The following TAFA2 variants were observed in gnomAD, a reference collection of about 807,000 sequenced individuals.
The protein encoded by TAFA2 is chemokine-like protein TAFA-2.
TAFA2 carries 7 observed loss-of-function variants against 18.8 expected under a neutral mutation model. That is an observed-to-expected ratio of 0.37 (90% CI 0.21 to 0.70). The LOEUF (loss-of-function observed/expected upper bound fraction) is 0.70. TAFA2 is among the 30% of genes least tolerant of loss of function. The probability of loss-of-function intolerance (pLI) is 0.53; values close to 1 mark genes in which losing one functional copy is unlikely to be tolerated. For missense variants in TAFA2, 122 were observed against 158.1 expected (o/e 0.77, Z 1.23); for synonymous variants, 60 against 54.2 (o/e 1.11, Z -0.47).
chr12:62,043,886 A>T (rs994056627), intron 1 of TAFA2, among the ~76,000 whole-genome samples: 37 of 152,208 alleles, frequency 2.4e-4, no homozygotes, highest in African/African-American at 8.9e-4. Flanking sequence ...GGCTGTATTA[A>T]CAATTATGAT....
At chr12:62,166,596 C>T (rs2062441878) in intron 1 of TAFA2, among the ~76,000 whole-genome samples, 1 of 152,112 alleles carries the variant, frequency 6.6e-6, no homozygotes, top group Non-Finnish European at 1.5e-5. Flanking sequence ...TCCACCTCCC[C>T]TGAAACTTGA....
chr12:62,042,813 G>A (rs1044421097), intron 1 of TAFA2, among the ~76,000 whole-genome samples: 1 of 151,948 alleles, frequency 6.6e-6, no homozygotes, highest in Admixed American at 6.6e-5. Context: ...TCCTGGCAAG[G>A]TTAATTGTGC....
chr12:61,833,296 G>C (rs1190549562), intron 2 of TAFA2, among the ~76,000 whole-genome samples: 1 of 151,420 alleles, frequency 6.6e-6, no homozygotes, highest in Non-Finnish European at 1.5e-5. Flanking sequence ...TTATATTCCT[G>C]ATTCTCGAGT....
chr12:61,742,596 T>C (rs1383543741), intron 4 of TAFA2, among the ~76,000 whole-genome samples: 2 of 152,144 alleles, frequency 1.3e-5, no homozygotes, highest in African/African-American at 4.8e-5. Context: ...TCTTTTTCTA[T>C]GCATTTCTTT....
At chr12:61,768,615 G>A (rs541462694) in intron 2 of TAFA2, among the ~76,000 whole-genome samples, 1 of 152,116 alleles carries the variant, frequency 6.6e-6, no homozygotes, top group Non-Finnish European at 1.5e-5. Flanking sequence ...GAGCTGAGAT[G>A]AATTTAGAGA....
chr12:62,059,013 G>C (rs976835104), intron 1 of TAFA2, among the ~76,000 whole-genome samples: 4 of 152,114 alleles, frequency 2.6e-5, no homozygotes, highest in Non-Finnish European at 5.9e-5. Context: ...TGAGGCAGGA[G>C]AATGGCGGGA....
At chr12:62,147,318 GTATGTATGTATATATA>G (rs1214415506) in intron 1 of TAFA2, among the ~76,000 whole-genome samples, 884 of 87,574 alleles carry the variant, frequency 0.01, 23 homozygotes, top group African/African-American at 0.029. Flanking sequence ...GTGTGTGTGT[GTATGTATGTATATATA>G]TATATATATA....
At position 61,931,493 on chromosome 12, in the gene TAFA2, C is replaced by T. The variant is rs187447306; in HGVS notation, c.-1-64067G>A. Among the ~76,000 whole-genome samples, 10 of 152,284 alleles carry T rather than the reference C, an allele frequency of 6.6e-5. No homozygotes were observed. In the East Asian group the frequency reaches 1.3e-3, roughly 21 times the overall value. ...GTCTTTCTGTAATAAGCATATTCTACGGAAACAGTGAATGAGAAAACCACA... is the reference window on the plus strand; with the variant it reads ...GTCTTTCTGTAATAAGCATATTCTATGGAAACAGTGAATGAGAAAACCACA... On this transcript the variant is annotated intron_variant, in intron 1 of 4. Coordinates refer to ENST00000416284, the MANE Select transcript of TAFA2 (RefSeq NM_178539.5).
chr12:61,988,913 G>A (rs897995438), intron 1 of TAFA2, among the ~76,000 whole-genome samples: 1 of 152,052 alleles, frequency 6.6e-6, no homozygotes, highest in Non-Finnish European at 1.5e-5. Flanking sequence ...TTTGTTTCAT[G>A]GAAACAATCC....
rs183164720 is a variant in TAFA2 at position 61,876,767 on chromosome 12, G to A, written c.-1-9341C>T. Among the ~76,000 whole-genome samples, 57 of 151,912 alleles carry A rather than the reference G, an allele frequency of 3.8e-4. No individual in the cohort carries two copies. The East Asian group carries it at 0.01, about 27-fold the overall frequency. On this transcript the variant is annotated intron_variant, in intron 1 of 4. Coordinates refer to ENST00000416284, the MANE Select transcript of TAFA2 (RefSeq NM_178539.5). ...ATGCTATTCTATGTTCTCAAAAGAA[G>A]CCAAAAGAAAAGAGTCCAAGAATAG...
At chr12:62,119,860 G>A (rs745500843) in intron 1 of TAFA2, among the ~76,000 whole-genome samples, 1 of 151,986 alleles carries the variant, frequency 6.6e-6, no homozygotes, top group Non-Finnish European at 1.5e-5. Context: ...GATCACCAGA[G>A]GTCAGGAGTT....
intron 1 of TAFA2, among the ~76,000 whole-genome samples, chr12:62,037,086 C>T (rs1416066153): frequency 9.2e-5 from 14 of 152,112 alleles, no homozygotes; most frequent in Admixed American, 9.2e-4. Flanking sequence ...TTGCTATGTA[C>T]CTGCTTATTT....
chr12:61,952,084 C>T (rs970672406), intron 1 of TAFA2, among the ~76,000 whole-genome samples: 1 of 152,012 alleles, frequency 6.6e-6, no homozygotes, highest in East Asian at 1.9e-4. Flanking sequence ...TGCTACATTT[C>T]CCCAGCCTTC....
At chr12:61,757,733 T>C (rs1592369197) in intron 2 of TAFA2, among the ~76,000 whole-genome samples, 1 of 152,058 alleles carries the variant, frequency 6.6e-6, no homozygotes, top group South Asian at 2.1e-4. Context: ...TGTGAAGGAA[T>C]GAAGAAATAG....
intron 1 of TAFA2, among the ~76,000 whole-genome samples, chr12:62,251,894 T>C (rs1011466005): frequency 6.6e-6 from 1 of 152,212 alleles, no homozygotes; most frequent in Non-Finnish European, 1.5e-5. Context: ...ATAAATTCTT[T>C]AGTCATGAAG....
intron 4 of TAFA2, among the ~76,000 whole-genome samples, chr12:61,713,476 T>C (rs1056902831): frequency 3.3e-5 from 5 of 152,112 alleles, no homozygotes; most frequent in African/African-American, 7.2e-5. Flanking sequence ...GAGAACTGCA[T>C]TGAAGGAATT....
chr12:62,244,614 G>A (rs931699226), intron 1 of TAFA2, among the ~76,000 whole-genome samples: 3 of 152,134 alleles, frequency 2.0e-5, no homozygotes, highest in African/African-American at 7.2e-5. Flanking sequence ...GCTGAGGCAT[G>A]AGGTTGAAAC....
chr12:61,854,653 G>A (rs1873811490), intron 2 of TAFA2, among the ~76,000 whole-genome samples: 2 of 151,938 alleles, frequency 1.3e-5, no homozygotes, highest in South Asian at 4.1e-4. Context: ...TTTTATAGCA[G>A]CAACAGTACA....
intron 1 of TAFA2, among the ~76,000 whole-genome samples, chr12:62,122,291 C>A (rs1870233290): frequency 2.0e-5 from 3 of 152,126 alleles, no homozygotes; most frequent in Admixed American, 1.3e-4. Flanking sequence ...ATATGATCTG[C>A]TCCATCATTC....
Sources: allele counts gnomAD v4.1 joint callset (sites outside exome capture counted in the v4.1 genomes callset), GRCh38; gene constraint gnomAD v4.1.1; transcripts MANE v1.5; gene names NCBI Gene and HGNC (gene_info 2026-07-23, HGNC 2026-07-21).